SEL1L3: variants seen among roughly 807,000 people sequenced by gnomAD.
The protein encoded by SEL1L3 is protein sel-1 homolog 3.
In SEL1L3, 76 loss-of-function variants were observed where a neutral mutation model predicts 142.8. The ratio of observed to expected loss-of-function variants is 0.53; its 90% CI spans 0.44 to 0.64. The LOEUF (loss-of-function observed/expected upper bound fraction) is 0.64, where lower values mean the gene tolerates loss of function less well. Among genes scored for constraint, SEL1L3 ranks in the 30% least tolerant of loss-of-function variants. The pLI is 0.00. For synonymous variants in SEL1L3, 504 were observed against 519.6 expected (o/e 0.97, Z 0.41); for missense variants, 1,262 against 1,381.7 (o/e 0.91, Z 1.37).
intron 23 of SEL1L3, 109 bp from the exon 24 acceptor site, chr4:25,748,673 T>A: frequency 1.7e-6 from 2 of 1,158,720 alleles, no homozygotes; most frequent in Non-Finnish European, 2.4e-6. Context: ...TCTAGTCTAA[T>A]GAACCTGACA....
At chr4:25,752,600 G>T (rs1717676661) in intron 23 of SEL1L3, among the ~76,000 whole-genome samples, 1 of 152,048 alleles carries the variant, frequency 6.6e-6, no homozygotes, top group Non-Finnish European at 1.5e-5. Context: ...TACTCCTTGA[G>T]AACTACCAGC....
At chr4:25,775,681 T>C (rs1177261525) in intron 17 of SEL1L3, among the ~76,000 whole-genome samples, 1 of 152,198 alleles carries the variant, frequency 6.6e-6, no homozygotes, top group Non-Finnish European at 1.5e-5. Context: ...GGAACATTTG[T>C]GGGTCCTCAT....
chr4:25,754,022 G>A (rs1331501013), intron 23 of SEL1L3, among the ~76,000 whole-genome samples: 1 of 140,548 alleles, frequency 7.1e-6, no homozygotes, highest in Non-Finnish European at 1.5e-5. Flanking sequence ...AATAAATAAG[G>A]TCAGTTGCAG....
chr4:25,832,872 A>G (rs1715532689), intron 5 of SEL1L3, 123 bp downstream of exon 5: 1 of 630,552 alleles, frequency 1.6e-6, no homozygotes, highest in Non-Finnish European at 2.9e-6. Flanking sequence ...GTGTAGTTGT[A>G]ACGAGTCTAT....
At chr4:25,761,539 G>A (rs1560280396) in intron 20 of SEL1L3, among the ~76,000 whole-genome samples, 2 of 152,102 alleles carry the variant, frequency 1.3e-5, no homozygotes, top group Admixed American at 6.5e-5. Context: ...GGGAATAGTC[G>A]TATGCAATGT....
intron 6 of SEL1L3, among the ~76,000 whole-genome samples, 197 bp downstream of exon 6, chr4:25,829,901 T>C (rs1360164953): frequency 2.0e-5 from 3 of 151,622 alleles, no homozygotes; most frequent in East Asian, 1.9e-4. Context: ...GAAAAAAAGG[T>C]TGTGGGGGAA....
At chr4:25,721,986 G>A in the SEL1L3 span, among the ~76,000 whole-genome samples, 1 of 152,132 alleles carries the variant, frequency 6.6e-6, no homozygotes, top group Non-Finnish European at 1.5e-5. Context: ...GGGGGTCTGC[G>A]AATTAAAGTA....
Position 25,758,528 on chromosome 4 carries a change from C to T in SEL1L3, c.3083+413G>A, listed in dbSNP as rs147332139. 2.5e-3 allele frequency among the ~76,000 whole-genome samples: 385 copies of T among 152,232 alleles called. 2 individuals are homozygous for T. Among genetic ancestry groups the T allele is most frequent in the Admixed American group, 2.9e-3 (45 of 15,284 alleles). The stretch of plus-strand genomic sequence containing the variant: ...ATCGGATTGTTATTCTTTCCATTCT[C>T]GTGGAAATTTCTGGTCAGCCCTTGA... On this transcript the variant is annotated intron_variant, in intron 21 of 23. Transcript: ENST00000399878.
chr4:25,862,939 C>A lies in SEL1L3; in HGVS notation c.-103G>T, dbSNP rs1000538212. Reference sequence around the variant, plus strand: ...GCCCGCCCCCGGCCGGGCCGGCCGCCGCGCGCGGGGCCACCTGCCGCCACC... The same window carrying A: ...GCCCGCCCCCGGCCGGGCCGGCCGCAGCGCGCGGGGCCACCTGCCGCCACC... On this transcript the variant is annotated 5_prime_UTR_variant, in exon 1 of 24. Coordinates refer to ENST00000399878, the MANE Select transcript of SEL1L3 (RefSeq NM_015187.5). 2.4e-6 allele frequency: 2 copies of A among 846,264 alleles called. No homozygotes were observed. The highest frequency in any genetic ancestry group is 3.7e-5 in the African/African-American group (2 of 53,514). The allele number at this position is 846,264 out of a possible 1,614,324, so 52.4% of individuals were successfully genotyped here. A position where few individuals can be genotyped will look rare whatever the true frequency, so the allele number is the denominator to read the frequency against.
chr4:25,847,062 CCT>C lies in SEL1L3; in HGVS notation c.733+230_733+231del, dbSNP rs1328516283. Among the ~76,000 whole-genome samples the C allele has an allele frequency of 2.6e-5, 4 of 152,036 alleles. No homozygotes were observed. In the South Asian group the frequency reaches 8.3e-4, roughly 32 times the overall value. ...CTCTCAAAGTCCACCTTCCTCAGCT[CCT>C]CTGTTCTGTTCTTTCATCTTTGGTC... On this transcript the variant is annotated intron_variant, in intron 2 of 23. Transcript: ENST00000399878.
chr4:25,850,176 G>A (rs973420175), intron 1 of SEL1L3, among the ~76,000 whole-genome samples: 3 of 152,110 alleles, frequency 2.0e-5, no homozygotes, highest in African/African-American at 7.2e-5. Context: ...TTGAGTCCCA[G>A]CCCAACGAAT....
intron 2 of SEL1L3, among the ~76,000 whole-genome samples, chr4:25,842,562 G>T (rs553688541): frequency 6.6e-6 from 1 of 152,304 alleles, no homozygotes; most frequent in South Asian, 2.1e-4. Context: ...AGCCCTGGTG[G>T]GTTTGTCTGG....
chr4:25,783,162 T>C (rs780794909), intron 14 of SEL1L3, among the ~76,000 whole-genome samples: 16 of 152,326 alleles, frequency 1.1e-4, no homozygotes, highest in Non-Finnish European at 2.2e-4. Context: ...AGCCCCCTTA[T>C]GGCCCCATTT....
chr4:25,742,720 A>C (rs866301409), downstream of SEL1L3, among the ~76,000 whole-genome samples: 2 of 152,192 alleles, frequency 1.3e-5, no homozygotes, highest in South Asian at 4.1e-4. Context: ...AATATTACTT[A>C]GTATTTAATT....
At chr4:25,826,564 C>T (rs529101999) in intron 6 of SEL1L3, among the ~76,000 whole-genome samples, 10 of 152,296 alleles carry the variant, frequency 6.6e-5, no homozygotes, top group East Asian at 1.9e-4. Flanking sequence ...ACTAGCTTTA[C>T]CTCTGCTTAT....
chr4:25,796,054 T>C (rs911362112), intron 11 of SEL1L3, among the ~76,000 whole-genome samples: 3 of 152,184 alleles, frequency 2.0e-5, no homozygotes, highest in African/African-American at 7.2e-5. Context: ...TTGTTGTTAT[T>C]GTTGCCGTTT....
At chr4:25,734,339 C>T in the SEL1L3 span, among the ~76,000 whole-genome samples, 1 of 152,096 alleles carries the variant, frequency 6.6e-6, no homozygotes, top group Non-Finnish European at 1.5e-5. Flanking sequence ...AGCCACCGTG[C>T]CCAGCCTGCT....
the SEL1L3 span, among the ~76,000 whole-genome samples, chr4:25,735,354 C>T: frequency 5.5e-4 from 83 of 152,038 alleles, no homozygotes; most frequent in Admixed American, 1.7e-3. Flanking sequence ...TCTCTTATTA[C>T]TCTTTTAATG....
chr4:25,726,778 AT>A, the SEL1L3 span, among the ~76,000 whole-genome samples: 30,633 of 151,994 alleles, frequency 0.2, 3,352 homozygotes, highest in African/African-American at 0.28. Context: ...AATAAGTACT[AT>A]TTTTTCGCCT....
Sources: allele counts gnomAD v4.1 joint callset (sites outside exome capture counted in the v4.1 genomes callset), GRCh38; gene constraint gnomAD v4.1.1; transcripts MANE v1.5; gene names NCBI Gene and HGNC (gene_info 2026-07-23, HGNC 2026-07-21).